Variants in CDH7 observed in about 807,000 individuals in gnomAD.
CDH7 encodes the protein cadherin-7.
CDH7 carries 25 observed loss-of-function variants against 71.8 expected under a neutral mutation model. That is an observed-to-expected ratio of 0.35 (90% CI 0.25 to 0.49). The LOEUF is 0.49. Ranked by LOEUF, CDH7 falls within the 20% of genes least tolerant of loss-of-function variation. The pLI, the probability that CDH7 is intolerant of heterozygous loss-of-function variation, is 0.99. For synonymous variants in CDH7, 381 were observed against 363.8 expected (o/e 1.05, Z -0.54); for missense variants, 862 against 974.6 (o/e 0.88, Z 1.54).
chr18:65,844,063 G>A lies in CDH7; in HGVS notation c.1233G>A (p.Val411=), dbSNP rs1432528991. The A allele has an allele frequency of 4.3e-6, 7 of 1,611,690 alleles. No individual in the cohort carries two copies. Among genetic ancestry groups the A allele is most frequent in the Non-Finnish European group, 5.9e-6 (7 of 1,178,892 alleles). The change falls in exon 7 of 12, where the codon GTG becomes GTA. Residue 411 remains valine (V), a splice_region_variant and synonymous_variant. Transcript: ENST00000397968. Reference sequence around the variant, plus strand: ...ACCCAGATTCTTCCAATAGCCCTGTGAGGTAAAAACTCATTGTTGTCCTTT... The same window carrying A: ...ACCCAGATTCTTCCAATAGCCCTGTAAGGTAAAAACTCATTGTTGTCCTTT... ...AHDPDSSNSP[V]RYSIDRNTDL...
At chr18:65,862,304 C>T (rs1443441091) in intron 10 of CDH7, among the ~76,000 whole-genome samples, 2 of 152,014 alleles carry the variant, frequency 1.3e-5, no homozygotes, top group African/African-American at 4.8e-5. Flanking sequence ...AATATTTAAC[C>T]TGTTAATATG....
chr18:65,770,216 T>A (rs1236298628), intron 2 of CDH7, among the ~76,000 whole-genome samples: 5 of 152,098 alleles, frequency 3.3e-5, no homozygotes, highest in South Asian at 2.1e-4. Context: ...TTGCTTATTA[T>A]TTTTTTTCTG....
chr18:65,750,430 C>T (rs1458230599), upstream of CDH7: 2 of 152,194 alleles, frequency 1.3e-5, no homozygotes, highest in Non-Finnish European at 2.9e-5. Flanking sequence ...TCTCCTCCAG[C>T]TCCGTGCTTT....
rs1173919756 is a variant in CDH7, at chr18:65,875,184, T to A, written c.1865-5217T>A. Among the ~76,000 whole-genome samples, 3 of 152,308 alleles carry A rather than the reference T, an allele frequency of 2.0e-5. No homozygotes were observed. In the East Asian group the frequency reaches 5.8e-4, roughly 29 times the overall value. ...GCCAAAAGATTGGACACCCCTGCTG[T>A]AGAGCAAATATAGGTGACTTCTGAA... On this transcript the variant is annotated intron_variant, in intron 11 of 11. Transcript: ENST00000397968.
intron 5 of CDH7, 72 bp downstream of exon 5, chr18:65,822,320 G>T (rs1911965543): frequency 2.4e-6 from 3 of 1,256,396 alleles, no homozygotes; most frequent in East Asian, 2.4e-5. Context: ...TCTTTAAAAT[G>T]ACTTTTTTTC....
At chr18:65,782,078 CTT>C (rs1910300316) in intron 2 of CDH7, among the ~76,000 whole-genome samples, 7 of 58,120 alleles carry the variant, frequency 1.2e-4, no homozygotes, top group African/African-American at 7.8e-4. Flanking sequence ...TTCTTTCTTT[CTT>C]TCCTTCCTTC....
intron 11 of CDH7, among the ~76,000 whole-genome samples, chr18:65,870,617 C>T (rs888324890): frequency 1.3e-5 from 2 of 152,056 alleles, no homozygotes; most frequent in African/African-American, 4.8e-5. Flanking sequence ...ACCCACAATG[C>T]GTTTCTTCCC....
At chr18:65,797,921 T>C (rs1349366772) in intron 2 of CDH7, among the ~76,000 whole-genome samples, 5 of 152,170 alleles carry the variant, frequency 3.3e-5, no homozygotes, top group Non-Finnish European at 7.4e-5. Context: ...CTTGGGTATG[T>C]AGTAGTTTGA....
At position 65,850,580 on chromosome 18, in the gene CDH7, T is replaced by TTTATTA. The variant is rs138534553; in HGVS notation, c.1235+6548_1235+6553dup. On this transcript the variant is annotated intron_variant, in intron 7 of 11. Coordinates refer to ENST00000397968, the MANE Select transcript of CDH7 (RefSeq NM_004361.5). ...TAAGATTCACATTCCCTGCAGAGGTTTTATTATTATTATTATTATTATTAT... is the reference window on the plus strand; with the variant it reads ...TAAGATTCACATTCCCTGCAGAGGTTTTATTATTATTATTATTATTATTATTATTAT... Among the ~76,000 whole-genome samples, 386 of 147,786 alleles carry TTTATTA rather than the reference T, an allele frequency of 2.6e-3. 2 individuals carry two copies. The highest frequency in any genetic ancestry group is 8.3e-3 in the African/African-American group (328 of 39,686).
chr18:65,761,101 C>T (rs1404145128), intron 1 of CDH7, among the ~76,000 whole-genome samples: 1 of 152,158 alleles, frequency 6.6e-6, no homozygotes, highest in Non-Finnish European at 1.5e-5. Flanking sequence ...ATTGTGTTCT[C>T]TGCACAGGGT....
chr18:65,813,706 A>C (rs2143915858), intron 3 of CDH7, among the ~76,000 whole-genome samples: 1 of 152,220 alleles, frequency 6.6e-6, no homozygotes, highest in East Asian at 1.9e-4. Context: ...TCTCTCTAAT[A>C]TTTTAAAGAT....
At chr18:65,769,942 C>T (rs533092453) in intron 2 of CDH7, among the ~76,000 whole-genome samples, 4 of 152,102 alleles carry the variant, frequency 2.6e-5, no homozygotes, top group East Asian at 3.9e-4. Context: ...GGTTCCTTCA[C>T]GGAATGAACA....
At chr18:65,874,221 G>C (rs1435098216) in intron 11 of CDH7, among the ~76,000 whole-genome samples, 1 of 152,066 alleles carries the variant, frequency 6.6e-6, no homozygotes, top group South Asian at 2.1e-4. Context: ...ACTTAAGAAA[G>C]TGATATTTAA....
At position 65,882,677 on chromosome 18, in the gene CDH7, A is replaced by G. The variant is rs1053019428; in HGVS notation, c.*1783A>G. On this transcript the variant is annotated 3_prime_UTR_variant, in exon 12 of 12. Transcript: ENST00000397968. Reference sequence around the variant, plus strand: ...AATAGAGTTTTGTAGACATTGTTTTATGACTATATAGATATGCTTCTTGCT... The same window carrying G: ...AATAGAGTTTTGTAGACATTGTTTTGTGACTATATAGATATGCTTCTTGCT... 1 of 152,128 alleles carries G rather than the reference A, an allele frequency of 6.6e-6. No individual in the cohort carries two copies. The highest frequency in any genetic ancestry group is 1.5e-5 in the Non-Finnish European group (1 of 67,968). The allele number at this position is 152,128 out of a possible 1,614,324, so 9.4% of individuals were successfully genotyped here.
chr18:65,853,584 T>G (rs1913223230), intron 7 of CDH7, among the ~76,000 whole-genome samples: 2 of 151,932 alleles, frequency 1.3e-5, no homozygotes, highest in Non-Finnish European at 2.9e-5. Flanking sequence ...AGGAAACCCC[T>G]TTAATTCTAG....
At chr18:65,811,966 CT>C (rs57594274) in intron 3 of CDH7, among the ~76,000 whole-genome samples, 1,570 of 95,920 alleles carry the variant, frequency 0.016, 28 homozygotes, top group African/African-American at 0.059. Flanking sequence ...CTTTTCTTTT[CT>C]TTTTTTTTTT....
chr18:65,767,994 A>G (rs1916428023), intron 2 of CDH7, among the ~76,000 whole-genome samples: 1 of 152,162 alleles, frequency 6.6e-6, no homozygotes, highest in Admixed American at 6.5e-5. Context: ...CTTTAGCTAT[A>G]CAGCTAAAAG....
chr18:65,830,760 C>G (rs8085969), intron 6 of CDH7, among the ~76,000 whole-genome samples: 128,288 of 145,106 alleles, frequency 0.88, 59,077 homozygotes, highest in East Asian at 1. Context: ...TTTCTTTTCT[C>G]TCTCTCTTTT....
chr18:65,832,673 G>T (rs1912392405), intron 6 of CDH7, among the ~76,000 whole-genome samples: 1 of 151,904 alleles, frequency 6.6e-6, no homozygotes, highest in Admixed American at 6.6e-5. Flanking sequence ...CAGTTAAATA[G>T]GATTTCAAAA....
Sources: gnomAD v4.1 joint callset for allele counts (sites outside exome capture counted in the v4.1 genomes callset) on GRCh38, gnomAD v4.1.1 for gene constraint, MANE v1.5 for transcripts, NCBI Gene and HGNC (gene_info 2026-07-23, HGNC 2026-07-21) for gene names.